Variants in POLR3A observed in about 807,000 individuals in gnomAD.
POLR3A encodes DNA-directed RNA polymerase III subunit RPC1.
In POLR3A, 112 loss-of-function variants were observed where a neutral mutation model predicts 152.8. The ratio of observed to expected loss-of-function variants is 0.73; its 90% confidence interval spans 0.63 to 0.86. The LOEUF (loss-of-function observed/expected upper bound fraction) is 0.86. Among genes scored for constraint, POLR3A ranks in the 40% least tolerant of loss-of-function variants. The pLI is 0.00. For synonymous variants in POLR3A, 615 were observed against 652.1 expected, an observed-to-expected ratio of 0.94 and a Z score of 0.87; for missense variants, 1,385 against 1,743.1, an observed-to-expected ratio of 0.79 and a Z score of 3.66.
intron 19 of POLR3A, among the ~76,000 whole-genome samples, chr10:77,998,605 C>T (rs948819433): frequency 3.3e-5 from 5 of 152,232 alleles, no homozygotes; most frequent in African/African-American, 7.2e-5. Flanking sequence ...AATGAGATAC[C>T]GTCTCACACC....
rs2131927777 is a variant in POLR3A at position 77,982,213 on chromosome 10, C to T, written c.3700G>A (p.Ala1234Thr). 2.5e-6 allele frequency: 4 copies of T among 1,614,056 alleles called. No homozygotes were observed. Among genetic ancestry groups the T allele is most frequent in the Non-Finnish European group, 3.4e-6 (4 of 1,180,010 alleles). The stretch of plus-strand genomic sequence containing the variant: ...TTCACACCGTGTGTGGCCATGACTG[C>T]CCGCAGGTTATCACCTTCCACCAGA... ...KLLVEGDNLR[A>T]VMATHGVKGT... Residue 1234 changes from alanine (A) to threonine (T), a missense_variant, in exon 28 of 31, where the codon GCA becomes ACA. Transcript: ENST00000372371.
At chr10:78,014,031 C>T (rs1381588206) in intron 10 of POLR3A, among the ~76,000 whole-genome samples, 2 of 152,094 alleles carry the variant, frequency 1.3e-5, no homozygotes, top group Non-Finnish European at 2.9e-5. Flanking sequence ...GTAACACATG[C>T]CTATAATCCC....
intron 18 of POLR3A, 49 bp downstream of exon 18, chr10:78,000,927 G>C (rs1847350484): frequency 1.1e-6 from 1 of 950,822 alleles, no homozygotes; most frequent in Non-Finnish European, 1.7e-6. Flanking sequence ...TTGGAGGAAA[G>C]TGTAGATTAA....
At position 78,024,821 on chromosome 10, in the gene POLR3A, C is replaced by T. The variant is rs571443673; in HGVS notation, c.491-118G>A. ...CTATAGCAATGAAAGATGAGAGGTC[C>T]GTTTCCCAATAGGACATCAGTTGTT... On this transcript the variant is annotated intron_variant, in intron 4 of 30. Coordinates refer to ENST00000372371, the MANE Select transcript of POLR3A (RefSeq NM_007055.4). 22 of 1,324,576 alleles carry T rather than the reference C, an allele frequency of 1.7e-5. No homozygotes were observed. In the South Asian group the frequency reaches 2.1e-4, roughly 12 times the overall value. 82.1% of individuals were successfully genotyped at this position (1,324,576 alleles called of 1,614,324 possible). A position where few individuals can be genotyped will look rare whatever the true frequency, so the allele number is the denominator to read the frequency against.
At position 77,991,232 on chromosome 10, in the gene POLR3A, G is replaced by T. The variant is rs112195032; in HGVS notation, c.2788-65C>A. 3.3e-6 allele frequency: 3 copies of T among 896,694 alleles called. No homozygotes were observed. The East Asian group carries it at 7.2e-5, about 22-fold the overall frequency. The allele number at this position is 896,694 out of a possible 1,614,324, so 55.5% of individuals were successfully genotyped here. A position where few individuals can be genotyped will look rare whatever the true frequency, so the allele number is the denominator to read the frequency against. On this transcript the variant is annotated intron_variant, in intron 20 of 30. Transcript: ENST00000372371. Reference sequence around the variant, plus strand: ...ACAGAGAGCAGGCGGTAGTAGATGAGAGAACTTACAAAGGATAAAATGACC... The same window carrying T: ...ACAGAGAGCAGGCGGTAGTAGATGATAGAACTTACAAAGGATAAAATGACC...
chr10:77,981,512 A>T lies in POLR3A; in HGVS notation c.3807T>A (p.Asn1269Lys). 1 of 1,613,798 alleles carries T rather than the reference A, an allele frequency of 6.2e-7. No homozygotes were observed. Residue 1269 changes from asparagine (N) to lysine (K), a missense_variant, in exon 29 of 31, where the codon AAT becomes AAA. This residue lies in a region of POLR3A where 332 missense variants were observed against 400.1 expected (regional missense o/e 0.83). Transcript: ENST00000372371. ...GGTTCACCATGGTGTACTGGATTTC[A>T]TTGATGATCGTTGTCCGGGCGGCCT... ...GIEAARTTII[N>K]EIQYTMVNHG...
At chr10:78,007,234 A>T (rs554253874) in intron 15 of POLR3A, among the ~76,000 whole-genome samples, 1 of 152,332 alleles carries the variant, frequency 6.6e-6, no homozygotes, top group Middle Eastern at 3.4e-3. Context: ...ATAAGAGTGG[A>T]ATAAAGTTTT....
chr10:77,987,056 C>T (rs1847205007), intron 21 of POLR3A, among the ~76,000 whole-genome samples: 1 of 152,196 alleles, frequency 6.6e-6, no homozygotes. Flanking sequence ...TCAGCCAGCA[C>T]CTTCCCCTGG....
Position 78,000,138 on chromosome 10 carries a change from A to C in POLR3A, c.2479-20T>G. ...TGGGAGCTAAAGAGAGGTAGAAAAA[A>C]GAAAAATCAAACAAAAAAAGTTCAA... On this transcript the variant is annotated intron_variant, in intron 18 of 30. Coordinates refer to ENST00000372371, the MANE Select transcript of POLR3A (RefSeq NM_007055.4). The C allele has an allele frequency of 3.7e-6, 6 of 1,613,678 alleles. No individual in the cohort carries two copies. In the Admixed American group the frequency reaches 1.0e-4, roughly 27 times the overall value.
At position 77,984,194 on chromosome 10, in the gene POLR3A, TTTC is replaced by T; in HGVS notation, c.3336+8_3336+10del. The T allele has an allele frequency of 6.4e-7, 1 of 1,563,748 alleles. No individual in the cohort carries two copies. The highest frequency in any genetic ancestry group is 1.1e-5 in the South Asian group (1 of 90,110). On this transcript the variant is annotated splice_region_variant and intron_variant, in intron 25 of 30. Coordinates refer to ENST00000372371, the MANE Select transcript of POLR3A (RefSeq NM_007055.4). Reference sequence around the variant, plus strand: ...CTAGTTTTCTTGTTATCAATAGGGATTTCTTCTTACCTCTCCCAAGAGGGTTTT... The same window carrying T: ...CTAGTTTTCTTGTTATCAATAGGGATTTCTTACCTCTCCCAAGAGGGTTTT...
chr10:78,021,004 C>T (rs1267808037), intron 8 of POLR3A, among the ~76,000 whole-genome samples: 2 of 152,118 alleles, frequency 1.3e-5, no homozygotes, highest in African/African-American at 4.8e-5. Context: ...TGGTCTCACT[C>T]TCACCCAGGC....
intron 21 of POLR3A, among the ~76,000 whole-genome samples, chr10:77,990,762 C>T (rs531282470): frequency 1.3e-4 from 19 of 151,788 alleles, no homozygotes; most frequent in Non-Finnish European, 2.4e-4. Context: ...TACAGGTGCC[C>T]GCCACCACGC....
intron 5 of POLR3A, among the ~76,000 whole-genome samples, chr10:78,022,693 T>G (rs192873672): frequency 3.9e-4 from 60 of 152,256 alleles, no homozygotes; most frequent in African/African-American, 1.3e-3. Flanking sequence ...TGTGACAGAA[T>G]AGGAAGGTAA....
chr10:78,018,084 G>C (rs906096215), intron 9 of POLR3A, among the ~76,000 whole-genome samples: 2 of 151,344 alleles, frequency 1.3e-5, no homozygotes, highest in Non-Finnish European at 2.9e-5. Flanking sequence ...CCTAAGGTGG[G>C]AGGATCACCT....
At chr10:78,017,313 G>A (rs1329243025) in intron 10 of POLR3A, among the ~76,000 whole-genome samples, 6 of 151,966 alleles carry the variant, frequency 3.9e-5, no homozygotes, top group African/African-American at 7.2e-5. Flanking sequence ...CAGATTTGGT[G>A]GCACATGTCC....
intron 1 of POLR3A, among the ~76,000 whole-genome samples, chr10:78,027,621 G>A (rs867652902): frequency 5.0e-4 from 76 of 152,028 alleles, no homozygotes; most frequent in Middle Eastern, 3.2e-3. Context: ...TGCGATCTCA[G>A]CTCACTGCAA....
At position 78,013,786 on chromosome 10, in the gene POLR3A, C is replaced by T; in HGVS notation, c.1436G>A (p.Arg479Lys). Residue 479 changes from arginine (R) to lysine (K), a missense_variant, in exon 11 of 31, where the codon AGG becomes AAG. Arg to Lys is a conservative substitution (Grantham distance 26, BLOSUM62 2). Around this residue, in one of 7 missense-constraint regions of POLR3A, gnomAD observed 493 missense variants for 647.5 expected, o/e 0.76. Coordinates refer to ENST00000372371, the MANE Select transcript of POLR3A (RefSeq NM_007055.4). The stretch of plus-strand genomic sequence containing the variant: ...TCTGAAGGTCCGGTGGGGCTTGACC[C>T]TGGCCTGTGGAACACAAAACAAAAC... Reference protein sequence around the residue: ...HKLSIMAHLARVKPHRTFRFN... With the variant: ...HKLSIMAHLAKVKPHRTFRFN... The T allele has an allele frequency of 6.2e-7, 1 of 1,614,210 alleles. No homozygotes were observed. The highest frequency in any genetic ancestry group is 8.5e-7 in the Non-Finnish European group (1 of 1,180,036).
chr10:78,026,151 C>T lies in POLR3A; in HGVS notation c.123G>A (p.Leu41=), dbSNP rs1287190888. 6.2e-7 allele frequency: 1 copy of T among 1,614,252 alleles called. No individual in the cohort carries two copies. Among genetic ancestry groups the T allele is most frequent in the Admixed American group, 1.7e-5 (1 of 60,030 alleles). Residue 41 remains leucine, a synonymous_variant, in exon 2 of 31, where the codon CTG becomes CTA. Coordinates refer to ENST00000372371, the MANE Select transcript of POLR3A (RefSeq NM_007055.4). ...QAHIQVVSKN[L]YSQDNQHAPL... is the part of the protein sequence containing the mutation. ...GGGCATGTTGGTTGTCCTGGCTGTACAGGTTCTTACTCACAACTTGGATGT... is the reference window on the plus strand; with the variant it reads ...GGGCATGTTGGTTGTCCTGGCTGTATAGGTTCTTACTCACAACTTGGATGT...
chr10:78,011,437 C>T (rs1847465685), intron 11 of POLR3A, among the ~76,000 whole-genome samples: 1 of 152,144 alleles, frequency 6.6e-6, no homozygotes, highest in African/African-American at 2.4e-5. Flanking sequence ...TTGCTCTAAT[C>T]TTGATATGAA....
Sources: allele counts gnomAD v4.1 joint callset (sites outside exome capture counted in the v4.1 genomes callset), GRCh38; gene constraint gnomAD v4.1.1; regional missense constraint gnomAD v4.1.1; transcripts MANE v1.5; gene names NCBI Gene and HGNC (gene_info 2026-07-23, HGNC 2026-07-21).